C3: variants seen among roughly 807,000 people sequenced by gnomAD.
C3 encodes C3 and PZP-like alpha-2-macroglobulin domain-containing protein 1.
C3 carries 97 observed loss-of-function variants against 207.9 expected under a neutral mutation model. The observed-to-expected ratio is 0.47, with a 90% CI of 0.40 to 0.55. C3 has a LOEUF of 0.55. Among genes scored for constraint, C3 ranks in the 20% least tolerant of loss-of-function variants. The pLI is 0.00. For synonymous variants in C3, 848 were observed against 857.6 expected, an observed-to-expected ratio of 0.99 and a Z score of 0.20; for missense variants, 1,684 against 2,171.7, an observed-to-expected ratio of 0.78 and a Z score of 4.46.
Position 6,718,138 on chromosome 19 carries a change from G to C in C3, c.460C>G (p.His154Asp). ...GTCCGGCCCACGGGTAGCAGCTTGT[G>C]GTTGACGGTGAAGATCCGATAGAGA... ...TVLYRIFTVN[H>D]KLLPVGRTVM... is the part of the protein sequence containing the mutation. Residue 154 changes from histidine (H) to aspartate (D), a missense_variant, in exon 4 of 41, where the codon CAC becomes GAC. Transcript: ENST00000245907. The C allele has an allele frequency of 1.9e-6, 3 of 1,614,184 alleles. No individual in the cohort carries two copies. Among genetic ancestry groups the C allele is most frequent in the South Asian group, 2.2e-5 (2 of 91,082 alleles).
chr19:6,694,310 T>C (rs1247444967), intron 24 of C3, 121 bp downstream of exon 24: 2 of 825,238 alleles, frequency 2.4e-6, no homozygotes, highest in South Asian at 1.5e-5. Context: ...ATGAGGGGAG[T>C]GGCTAGGAGA....
chr19:6,697,605 C>CT (rs1239477172), intron 20 of C3, 47 bp downstream of exon 20: 1 of 1,613,952 alleles, frequency 6.2e-7, no homozygotes, highest in East Asian at 2.2e-5. Flanking sequence ...AACAGGCTAC[C>CT]TACCCCCTGG....
At chr19:6,709,616 C>CCCCCCCCCCCCCCCCCCCCCCCCCCG in intron 14 of C3, 68 bp downstream of exon 14, 2 of 999,568 alleles carry the variant, frequency 2.0e-6, no homozygotes, top group Non-Finnish European at 3.1e-6. Flanking sequence ...TCCAGTCCCA[C>CCCCCCCCCCCCCCCCCCCCCCCCCCG]CCACCTCCCC....
intron 13 of C3, 137 bp from the exon 14 acceptor site, chr19:6,709,979 G>C: frequency 1.5e-6 from 1 of 645,286 alleles, no homozygotes; most frequent in Non-Finnish European, 2.7e-6. Context: ...GAGAGAGAGG[G>C]AGAGAGAGAG....
At chr19:6,709,970 A>G (rs1599521624) in intron 13 of C3, 128 bp from the exon 14 acceptor site, 1 of 459,750 alleles carries the variant, frequency 2.2e-6, no homozygotes, top group Non-Finnish European at 3.8e-6. Context: ...GGGGAGGGGG[A>G]GAGAGAGGGA....
chr19:6,697,651 C>A lies in C3; in HGVS notation c.2583+1G>T. ...GAAGCCTCTGCCACCCCGGGACCCA[C>A]CTTGAGCTCTTGGTTCTGCCGGTAA... On this transcript the variant is annotated splice_donor_variant, in intron 20 of 40. Coordinates refer to ENST00000245907, the MANE Select transcript of C3 (RefSeq NM_000064.4). LOFTEE classifies it high-confidence loss of function. 2 of 1,614,160 alleles carry A rather than the reference C, an allele frequency of 1.2e-6. No individual in the cohort carries two copies. Among genetic ancestry groups the A allele is most frequent in the Non-Finnish European group, 1.7e-6 (2 of 1,180,026 alleles).
intron 37 of C3, 48 bp downstream of exon 37, chr19:6,679,359 A>G (rs765198711): frequency 5.0e-5 from 75 of 1,494,582 alleles, no homozygotes; most frequent in Non-Finnish European, 6.7e-5. Flanking sequence ...TGACCTGGGT[A>G]AGTGTGGCTT....
chr19:6,679,969 C>A (rs1917817978), intron 36 of C3, 189 bp downstream of exon 36: 1 of 600,378 alleles, frequency 1.7e-6, no homozygotes, highest in Admixed American at 2.5e-5. Context: ...ATTCTCAGAT[C>A]CCCTCAGAAC....
chr19:6,714,793 C>T (rs906312498), intron 4 of C3, among the ~76,000 whole-genome samples: 11 of 152,114 alleles, frequency 7.2e-5, no homozygotes, highest in African/African-American at 2.7e-4. Context: ...ACCCGGGAGG[C>T]GGAGATTGCA....
intron 19 of C3, among the ~76,000 whole-genome samples, chr19:6,698,829 C>G (rs971850345): frequency 6.6e-6 from 1 of 152,052 alleles, no homozygotes; most frequent in Non-Finnish European, 1.5e-5. Flanking sequence ...GGGTCTCGCT[C>G]TGTCACCCAG....
intron 26 of C3, among the ~76,000 whole-genome samples, chr19:6,691,103 G>A: frequency 6.7e-6 from 1 of 149,846 alleles, no homozygotes; most frequent in Non-Finnish European, 1.5e-5. Flanking sequence ...GCCCAGGCTG[G>A]AGTGCAATGG....
chr19:6,712,973 G>A lies in C3; in HGVS notation c.1003+216C>T, dbSNP rs189366347. On this transcript the variant is annotated intron_variant, in intron 9 of 40. Coordinates refer to ENST00000245907, the MANE Select transcript of C3 (RefSeq NM_000064.4). ...CTGGGCCTGTGCCCCCATCAGCCCG[G>A]ACCCCACCTTTATACTGGCCCTGCC... Among the ~76,000 whole-genome samples the A allele has an allele frequency of 2.0e-4, 30 of 151,910 alleles. 1 individual carries two copies. In the East Asian group the frequency reaches 4.7e-3, roughly 24 times the overall value.
In C3 at chr19:6,718,358, C is replaced by T. The variant is rs747923416; in HGVS notation, c.322G>A (p.Val108Met). The T allele has an allele frequency of 1.9e-6, 3 of 1,614,232 alleles. No individual in the cohort carries two copies. Among genetic ancestry groups the T allele is most frequent in the East Asian group, 2.2e-5 (1 of 44,884 alleles). Residue 108 changes from valine to methionine, a missense_variant, in exon 3 of 41, where the codon GTG (valine) becomes ATG (methionine). Val to Met is a conservative substitution (Grantham distance 21, BLOSUM62 1). This residue lies in a region of C3 where 1,280 missense variants were observed against 1,739.1 expected (regional missense o/e 0.74). Transcript: ENST00000245907. ...SEKGRNKFVTVQATFGTQVVE... is the reference protein window; with the variant it reads ...SEKGRNKFVTMQATFGTQVVE... ...ACTTGGGTCCCGAAGGTGGCCTGCA[C>T]GGTCACGAACTTGTTGCGCCCCTTT...
intron 11 of C3, 24 bp from the exon 12 acceptor site, chr19:6,711,220 T>C: frequency 1.2e-6 from 2 of 1,600,990 alleles, no homozygotes; most frequent in Non-Finnish European, 1.7e-6. Flanking sequence ...GAGGGATGCC[T>C]GCTGGTCGCC....
In C3 at chr19:6,693,010, C is replaced by G. The variant is rs972312719; in HGVS notation, c.3304G>C (p.Gly1102Arg). The stretch of plus-strand genomic sequence containing the variant: ...TCCAGGATCAGCCATTTAACAGCCC[C>G]GCAGAGGACTTGGGAGTCGATGGCG... Reference protein sequence around the residue: ...LIAIDSQVLCGAVKWLILEKQ... With the variant: ...LIAIDSQVLCRAVKWLILEKQ... Residue 1102 changes from glycine (G) to arginine (R), a missense_variant, in exon 26 of 41, where the codon GGG (glycine) becomes CGG (arginine). Coordinates refer to ENST00000245907, the MANE Select transcript of C3 (RefSeq NM_000064.4). 3.7e-6 allele frequency: 6 copies of G among 1,614,072 alleles called. No individual in the cohort carries two copies. The highest frequency in any genetic ancestry group is 5.1e-6 in the Non-Finnish European group (6 of 1,180,034).
rs576007377 is a variant in C3, at chr19:6,699,116, G to A, written c.2441-1322C>T. 2.0e-5 allele frequency among the ~76,000 whole-genome samples: 3 copies of A among 152,110 alleles called. No homozygotes were observed. The South Asian group carries it at 6.2e-4, about 32-fold the overall frequency. On this transcript the variant is annotated intron_variant, in intron 19 of 40. Coordinates refer to ENST00000245907, the MANE Select transcript of C3 (RefSeq NM_000064.4). ...CGACCTGAGTTGTACATTTTAAAAG[G>A]GTGACATATAGTAAGTGAATTAAAT...
At chr19:6,716,127 C>G (rs1968029170) in intron 4 of C3, among the ~76,000 whole-genome samples, 1 of 152,170 alleles carries the variant, frequency 6.6e-6, no homozygotes, top group Non-Finnish European at 1.5e-5. Flanking sequence ...GTCTCCCTAG[C>G]TTTCCCAGGC....
In C3 at chr19:6,680,275, G is replaced by A. The variant is rs1230084655; in HGVS notation, c.4351-12C>T. On this transcript the variant is annotated splice_polypyrimidine_tract_variant and intron_variant, in intron 35 of 40. Transcript: ENST00000245907. ...TCAGAGTGTGAGACCTGAGGGGGAA[G>A]GAGGAGCTTGGTCAGTGGGGTGATG... The A allele has an allele frequency of 6.8e-7, 1 of 1,463,870 alleles. No homozygotes were observed. Among genetic ancestry groups the A allele is most frequent in the Admixed American group, 1.7e-5 (1 of 59,802 alleles). The allele number at this position is 1,463,870 out of a possible 1,614,324, so 90.7% of individuals were successfully genotyped here.
Position 6,678,037 on chromosome 19 carries a change from T to C in C3, c.4851-14A>G. 1.9e-6 allele frequency: 3 copies of C among 1,613,984 alleles called. No homozygotes were observed. The highest frequency in any genetic ancestry group is 2.2e-5 in the East Asian group (1 of 44,856). ...ATGTAGCTGAGGCTGGAGGGAAGAA[T>C]GGCAGGTCAGGAAGGGGCGTGGTGT... On this transcript the variant is annotated splice_polypyrimidine_tract_variant and intron_variant, in intron 40 of 40. Transcript: ENST00000245907.
Sources: gnomAD v4.1 joint callset for allele counts (sites outside exome capture counted in the v4.1 genomes callset) on GRCh38, gnomAD v4.1.1 for gene constraint, gnomAD v4.1.1 regional missense constraint, MANE v1.5 for transcripts, NCBI Gene and HGNC (gene_info 2026-07-23, HGNC 2026-07-21) for gene names.